The following WDFY4 variants were observed in gnomAD, a reference collection of about 807,000 sequenced individuals.
The protein encoded by WDFY4 is WDFY family member 4, also known as WD repeat- and FYVE domain-containing protein 4.
Under a neutral mutation model 351.9 loss-of-function variants are expected in WDFY4, and 169 were observed. The ratio of observed to expected loss-of-function variants is 0.48; its 90% CI spans 0.42 to 0.55. The LOEUF is 0.55. WDFY4 is among the 20% of genes least tolerant of loss of function. The pLI is 0.00. For synonymous variants in WDFY4, 1,622 were observed against 1,574.6 expected, an observed-to-expected ratio of 1.03 and a Z score of -0.71; for missense variants, 3,803 against 3,935.6, an observed-to-expected ratio of 0.97 and a Z score of 0.90.
At chr10:48,919,189 A>G (rs1312939648) in intron 47 of WDFY4, among the ~76,000 whole-genome samples, 1 of 152,226 alleles carries the variant, frequency 6.6e-6, no homozygotes, top group Non-Finnish European at 1.5e-5. Context: ...AAAAAAAAGA[A>G]AGAGAAGCCA....
Position 48,957,195 on chromosome 10 carries a change from A to G in WDFY4, c.8044A>G (p.Arg2682Gly). 6.4e-7 allele frequency: 1 copy of G among 1,551,668 alleles called. No individual in the cohort carries two copies. ...SVKSTWESAS[R>G]ENMSDVRELT... Reference sequence around the variant, plus strand: ...GAAGAGCACGTGGGAGTCGGCCTCCAGAGAGAACATGAGTGACGTCAGGGA... The same window carrying G: ...GAAGAGCACGTGGGAGTCGGCCTCCGGAGAGAACATGAGTGACGTCAGGGA... The change falls in exon 52 of 62, where the codon AGA becomes GGA. Residue 2682 changes from arginine (R) to glycine (G), a missense_variant. Around this residue, in one of 3 missense-constraint regions of WDFY4, gnomAD observed 3,054 missense variants for 3,148.6 expected, o/e 0.97. Coordinates refer to ENST00000325239, the MANE Select transcript of WDFY4 (RefSeq NM_001394531.1).
In WDFY4 at chr10:48,978,408, A is replaced by T. The variant is rs1197779925; in HGVS notation, c.9376+15A>T. On this transcript the variant is annotated intron_variant, in intron 60 of 61. Coordinates refer to ENST00000325239, the MANE Select transcript of WDFY4 (RefSeq NM_001394531.1). ...AAGCCCAAGAGGTACCTGACCTGCT[A>T]GGGATGTGGCCGTCCTGGCCTTGCC... The T allele has an allele frequency of 1.3e-6, 2 of 1,547,166 alleles. No homozygotes were observed. Among genetic ancestry groups the T allele is most frequent in the East Asian group, 4.9e-5 (2 of 40,842 alleles).
rs146187270 is a variant in WDFY4 at position 48,790,418 on chromosome 10, G to A, written c.4067-309G>A. On this transcript the variant is annotated intron_variant, in intron 22 of 61. Coordinates refer to ENST00000325239, the MANE Select transcript of WDFY4 (RefSeq NM_001394531.1). ...AGAGCAATGGGTTGTTAGAGCAATAGGGATACTGAGGCTCAGGGGTCTGGC... is the reference window on the plus strand; with the variant it reads ...AGAGCAATGGGTTGTTAGAGCAATAAGGATACTGAGGCTCAGGGGTCTGGC... Among the ~76,000 whole-genome samples, 127 of 152,328 alleles carry A rather than the reference G, an allele frequency of 8.3e-4. 1 individual carries two copies. The highest frequency in any genetic ancestry group is 3.0e-3 in the African/African-American group (125 of 41,572).
chr10:48,760,513 C>G, intron 13 of WDFY4, 73 bp downstream of exon 13: 1 of 1,460,650 alleles, frequency 6.8e-7, no homozygotes. Flanking sequence ...TGACCCAAGA[C>G]AGCTTTTTTC....
intron 23 of WDFY4, among the ~76,000 whole-genome samples, chr10:48,792,914 AATGAGAAC>A (rs1477807188): frequency 1.3e-5 from 2 of 152,140 alleles, no homozygotes; most frequent in African/African-American, 4.8e-5. Context: ...AGGGTTCAGA[AATGAGAAC>A]ATTGCCTTGA....
At chr10:48,891,370 A>G (rs756293144) in intron 44 of WDFY4, among the ~76,000 whole-genome samples, 11 of 152,248 alleles carry the variant, frequency 7.2e-5, no homozygotes, top group Non-Finnish European at 8.8e-5. Flanking sequence ...CAGTTGGTCT[A>G]TTTGGGTACA....
At chr10:48,787,866 TCTTTCTTCTTTCTTTCTTCTTCTTCTC>T (rs1589608965) in intron 20 of WDFY4, among the ~76,000 whole-genome samples, 2 of 133,380 alleles carry the variant, frequency 1.5e-5, no homozygotes, top group African/African-American at 7.1e-5. Context: ...TCTTTCTTCT[TCTTTCTTCTTTCTTTCTTCTTCTTCTC>T]CTTCTTCTTC....
At chr10:48,807,483 T>C (rs1338242964) in intron 27 of WDFY4, among the ~76,000 whole-genome samples, 1 of 152,230 alleles carries the variant, frequency 6.6e-6, no homozygotes, top group Non-Finnish European at 1.5e-5. Context: ...ACAAAGACCA[T>C]GGTCTTCAGC....
Position 48,780,128 on chromosome 10 carries a change from G to C in WDFY4, c.3576+9G>C, listed in dbSNP as rs1186406415. ...TCATTGGCTCTGCCAAGGTGAGATG[G>C]CTCCTCCAAGCTGCACTTGCCCCAC... On this transcript the variant is annotated intron_variant, in intron 19 of 61. Coordinates refer to ENST00000325239, the MANE Select transcript of WDFY4 (RefSeq NM_001394531.1). The C allele has an allele frequency of 6.4e-7, 1 of 1,551,568 alleles. No individual in the cohort carries two copies. The highest frequency in any genetic ancestry group is 8.7e-7 in the Non-Finnish European group (1 of 1,146,756).
chr10:48,803,131 G>A (rs1231823577), intron 24 of WDFY4, among the ~76,000 whole-genome samples, 155 bp from the exon 25 acceptor site: 1 of 152,310 alleles, frequency 6.6e-6, no homozygotes, highest in East Asian at 1.9e-4. Flanking sequence ...TCTGCTTGGA[G>A]TGTCAGGACA....
At chr10:48,911,906 G>A (rs1838039503) in intron 47 of WDFY4, among the ~76,000 whole-genome samples, 1 of 152,222 alleles carries the variant, frequency 6.6e-6, no homozygotes, top group South Asian at 2.1e-4. Context: ...GAGGAAGTAA[G>A]CAGCAAGGGG....
At chr10:48,697,330 G>A (rs1332946971) in intron 1 of WDFY4, among the ~76,000 whole-genome samples, 5 of 152,236 alleles carry the variant, frequency 3.3e-5, no homozygotes, top group Non-Finnish European at 7.3e-5. Flanking sequence ...GCATCACAGA[G>A]CTCTGGGGGT....
intron 51 of WDFY4, among the ~76,000 whole-genome samples, chr10:48,948,691 A>G (rs984908884): frequency 1.3e-5 from 2 of 152,214 alleles, no homozygotes; most frequent in Non-Finnish European, 2.9e-5. Flanking sequence ...TCTCTGGACT[A>G]TAGGCTGTTG....
chr10:48,876,613 C>T (rs2070021919), intron 42 of WDFY4, among the ~76,000 whole-genome samples: 1 of 150,838 alleles, frequency 6.6e-6, no homozygotes, highest in Admixed American at 6.6e-5. Flanking sequence ...GTTTTTTTTA[C>T]AATAAAAGGA....
In WDFY4 at chr10:48,901,717, C is replaced by G. The variant is rs1045387374; in HGVS notation, c.7524-84C>G. ...GGGGGAGCAATAATGAGCCTAGCTT[C>G]CTGCCTGACTCCGGAAATGCCTCTG... On this transcript the variant is annotated intron_variant, in intron 46 of 61. Transcript: ENST00000325239. 1.4e-4 allele frequency: 206 copies of G among 1,438,408 alleles called. 1 individual carries two copies. Among genetic ancestry groups the G allele is most frequent in the Non-Finnish European group, 1.9e-4 (203 of 1,044,322 alleles). The allele number at this position is 1,438,408 out of a possible 1,614,324, so 89.1% of individuals were successfully genotyped here. A position where few individuals can be genotyped will look rare whatever the true frequency, so the allele number is the denominator to read the frequency against.
At chr10:48,728,124 G>C (rs1375192503) in intron 7 of WDFY4, among the ~76,000 whole-genome samples, 1 of 152,220 alleles carries the variant, frequency 6.6e-6, no homozygotes, top group Admixed American at 6.5e-5. Flanking sequence ...AGAAGGATTA[G>C]CTCCAGTGGC....
At chr10:48,975,200 C>T in intron 58 of WDFY4, 159 bp downstream of exon 58, 1 of 928,704 alleles carries the variant, frequency 1.1e-6, no homozygotes, top group East Asian at 2.6e-5. Context: ...TCACTTGTAG[C>T]ACCCAGGTCT....
chr10:48,923,291 G>C (rs548314656), intron 47 of WDFY4, among the ~76,000 whole-genome samples: 1 of 151,810 alleles, frequency 6.6e-6, no homozygotes, highest in Non-Finnish European at 1.5e-5. Flanking sequence ...ACAGATGTTC[G>C]CAAGCTGGCA....
intron 28 of WDFY4, 145 bp from the exon 29 acceptor site, chr10:48,810,385 T>C (rs1445237197): frequency 1.4e-6 from 1 of 718,888 alleles, no homozygotes; most frequent in Non-Finnish European, 2.2e-6. Context: ...ATTTTACTAT[T>C]CTTTTTAAAT....
Sources: allele counts gnomAD v4.1 joint callset (sites outside exome capture counted in the v4.1 genomes callset), GRCh38; gene constraint gnomAD v4.1.1; regional missense constraint gnomAD v4.1.1; transcripts MANE v1.5; gene names NCBI Gene and HGNC (gene_info 2026-07-23, HGNC 2026-07-21).